Variants in MYO10 observed in about 807,000 individuals in gnomAD.
MYO10 encodes the protein unconventional myosin-X.
A neutral mutation model predicts 257.3 loss-of-function variants in MYO10; 133 were observed. The observed-to-expected ratio is 0.52, with a 90% confidence interval of 0.45 to 0.60. The LOEUF (loss-of-function observed/expected upper bound fraction) is 0.60. Among genes scored for constraint, MYO10 ranks in the 20% least tolerant of loss-of-function variants. MYO10 has a pLI of 0.00. For missense variants in MYO10, 2,399 were observed against 2,635.7 expected (o/e 0.91, Z 1.97); for synonymous variants, 1,104 against 1,028.6 (o/e 1.07, Z -1.40).
chr5:16,833,657 C>T (rs1743222659), intron 2 of MYO10, among the ~76,000 whole-genome samples: 1 of 152,138 alleles, frequency 6.6e-6, no homozygotes, highest in Admixed American at 6.5e-5. Context: ...GGAAACTGCT[C>T]AAGTTTGCAG....
intron 2 of MYO10, among the ~76,000 whole-genome samples, chr5:16,856,029 A>G (rs1564650): frequency 0.63 from 95,161 of 152,100 alleles, 30,575 homozygotes; most frequent in African/African-American, 0.78. Context: ...ACTGCATTTG[A>G]AACTTCTAAC....
At chr5:16,678,820 C>T (rs986210268) in intron 33 of MYO10, among the ~76,000 whole-genome samples, 2 of 152,180 alleles carry the variant, frequency 1.3e-5, no homozygotes, top group African/African-American at 4.8e-5. Context: ...ATTCTAGCAC[C>T]TTCTCTGTCA....
At chr5:16,848,259 A>T (rs1176384571) in intron 2 of MYO10, among the ~76,000 whole-genome samples, 1 of 149,344 alleles carries the variant, frequency 6.7e-6, no homozygotes, top group East Asian at 2.0e-4. Flanking sequence ...CCTGGGTTCA[A>T]GCAATTCTCC....
At chr5:16,683,848 C>T (rs1290052013) in intron 30 of MYO10, 32 bp downstream of exon 30, 1 of 1,610,080 alleles carries the variant, frequency 6.2e-7, no homozygotes, top group Non-Finnish European at 8.5e-7. Flanking sequence ...AGGTGATGAG[C>T]TGTTTTTGTT....
At position 16,892,069 on chromosome 5, in the gene MYO10, C is replaced by T. The variant is rs573131023; in HGVS notation, c.22-14362G>A. ...GCTGTGGAATCCTCAGCACCTAGAA[C>T]AGGGCCAGACTTATTGCTCCGTTGA... On this transcript the variant is annotated intron_variant, in intron 1 of 40. Coordinates refer to ENST00000513610, the MANE Select transcript of MYO10 (RefSeq NM_012334.3). Among the ~76,000 whole-genome samples, 3 of 152,256 alleles carry T rather than the reference C, an allele frequency of 2.0e-5. No individual in the cohort carries two copies. In the South Asian group the frequency reaches 6.2e-4, roughly 32 times the overall value.
chr5:16,746,675 A>G (rs6896958), intron 19 of MYO10, among the ~76,000 whole-genome samples: 25,426 of 152,184 alleles, frequency 0.17, 2,741 homozygotes, highest in African/African-American at 0.29. Flanking sequence ...GAAACAGAAA[A>G]GCAAGGTGCC....
rs374598174 is a variant in MYO10, at chr5:16,769,231, T to C, written c.931-28A>G. On this transcript the variant is annotated intron_variant, in intron 9 of 40. Coordinates refer to ENST00000513610, the MANE Select transcript of MYO10 (RefSeq NM_012334.3). ...AGAAGAAAATAAATGTATTTAATTT[T>C]ATGTCGTTTTTTCACACTGAAGAAA... 1.0e-5 allele frequency: 16 copies of C among 1,561,122 alleles called. No homozygotes were observed. In the African/African-American group the frequency reaches 1.9e-4, roughly 19 times the overall value.
intron 27 of MYO10, among the ~76,000 whole-genome samples, chr5:16,693,161 G>A (rs144390309): frequency 1.6e-4 from 25 of 152,226 alleles, no homozygotes; most frequent in Non-Finnish European, 2.4e-4. Context: ...CCAACAACTC[G>A]GGAGGCTGAG....
Position 16,702,599 on chromosome 5 carries a change from T to C in MYO10, c.2511-11A>G, listed in dbSNP as rs374903236. On this transcript the variant is annotated splice_polypyrimidine_tract_variant and intron_variant, in intron 23 of 40. Transcript: ENST00000513610. ...TCTCTCTCTCTTTCTCTAAAAATAG[T>C]AAAGGAAAAGTGAAAATCAACAACA... The C allele has an allele frequency of 5.7e-6, 9 of 1,571,602 alleles. No homozygotes were observed. The African/African-American group carries it at 1.2e-4, about 21-fold the overall frequency.
At chr5:16,923,981 T>C (rs910533620) in intron 1 of MYO10, among the ~76,000 whole-genome samples, 12 of 152,024 alleles carry the variant, frequency 7.9e-5, no homozygotes, top group Non-Finnish European at 1.5e-4. Flanking sequence ...TCCCAGCTAC[T>C]CAGGAGGCTG....
chr5:16,732,125 A>C (rs1409184598), intron 19 of MYO10, among the ~76,000 whole-genome samples: 1 of 152,182 alleles, frequency 6.6e-6, no homozygotes, highest in Admixed American at 6.5e-5. Flanking sequence ...TATAAACTTA[A>C]AATTAGGGGT....
chr5:16,913,318 A>G (rs1745725275), intron 1 of MYO10, among the ~76,000 whole-genome samples: 1 of 152,166 alleles, frequency 6.6e-6, no homozygotes, highest in African/African-American at 2.4e-5. Context: ...TCTAGCAATA[A>G]AGCACAGAGA....
chr5:16,817,025 C>G (rs7723323), intron 3 of MYO10, among the ~76,000 whole-genome samples: 23,729 of 151,412 alleles, frequency 0.16, 2,040 homozygotes, highest in South Asian at 0.27. Flanking sequence ...TCACCATGTT[C>G]GTCAGGCTTG....
At chr5:16,826,906 T>G (rs990661998) in intron 2 of MYO10, among the ~76,000 whole-genome samples, 17 of 152,228 alleles carry the variant, frequency 1.1e-4, no homozygotes, top group African/African-American at 4.1e-4. Context: ...AACGAGCTTA[T>G]GTTCAGCTTC....
At chr5:16,924,362 C>A (rs1746073869) in intron 1 of MYO10, among the ~76,000 whole-genome samples, 1 of 152,084 alleles carries the variant, frequency 6.6e-6, no homozygotes, top group Non-Finnish European at 1.5e-5. Context: ...AATGTATTTC[C>A]TTAAGCTTCT....
chr5:16,772,224 C>T (rs2126660242), intron 9 of MYO10, among the ~76,000 whole-genome samples: 1 of 151,754 alleles, frequency 6.6e-6, no homozygotes, highest in African/African-American at 2.4e-5. Context: ...CCTCCGCCTT[C>T]CGGGTTCAAG....
chr5:16,817,580 C>CATGA (rs1742662788), intron 3 of MYO10, among the ~76,000 whole-genome samples: 1 of 152,122 alleles, frequency 6.6e-6, no homozygotes, highest in Admixed American at 6.6e-5. Context: ...GGGTGGGCTT[C>CATGA]AGAGCCAGAA....
intron 19 of MYO10, chr5:16,738,264 A>G: frequency 1.0e-6 from 1 of 985,092 alleles, no homozygotes; most frequent in Non-Finnish European, 1.2e-6. Context: ...GTGGTCAGAG[A>G]GGTGTCAGGA....
chr5:16,687,292 G>C (rs1737295404), intron 28 of MYO10, among the ~76,000 whole-genome samples: 1 of 151,788 alleles, frequency 6.6e-6, no homozygotes, highest in Non-Finnish European at 1.5e-5. Context: ...CTGCACTCCA[G>C]CCTGGGTGAC....
Sources: gnomAD v4.1 joint callset for allele counts (sites outside exome capture counted in the v4.1 genomes callset) on GRCh38, gnomAD v4.1.1 for gene constraint, MANE v1.5 for transcripts, NCBI Gene and HGNC (gene_info 2026-07-23, HGNC 2026-07-21) for gene names.